The following AFF2 variants were observed in gnomAD, a reference collection of about 807,000 sequenced individuals.
AFF2 encodes ALF transcription elongation factor 2.
A neutral mutation model predicts 76.9 loss-of-function variants in AFF2; 14 were observed. The observed-to-expected ratio is 0.18, with a 90% CI of 0.12 to 0.28. The LOEUF (loss-of-function observed/expected upper bound fraction) is 0.28, where lower values mean the gene tolerates loss of function less well. Ranked by LOEUF, AFF2 falls within the 10% of genes least tolerant of loss-of-function variation. The probability of loss-of-function intolerance (pLI) is 1.00; values close to 1 mark genes in which losing one functional copy is unlikely to be tolerated. For synonymous variants in AFF2, 398 were observed against 366.7 expected (o/e 1.09, Z -0.98); for missense variants, 868 against 1,001.1 (o/e 0.87, Z 1.79).
intron 3 of AFF2, among the ~76,000 whole-genome samples, chrX:148,673,938 A>C (rs1189236120): frequency 8.9e-6 from 1 of 112,757 alleles, no homozygotes; most frequent in Non-Finnish European, 1.9e-5. Flanking sequence ...GTTTCTTTTC[A>C]CTTAGATAAT....
rs782216958 is a variant in AFF2, at chrX:148,542,247, G to A, written c.47+41103G>A. On this transcript the variant is annotated intron_variant, in intron 1 of 20. Transcript: ENST00000370460. Reference sequence around the variant, plus strand: ...GTTTAGCTCAGTCAAGTTGGGTGATGTCTACTACTTGGCAAAGCAGAGTGT... The same window carrying A: ...GTTTAGCTCAGTCAAGTTGGGTGATATCTACTACTTGGCAAAGCAGAGTGT... 4.6e-5 allele frequency among the ~76,000 whole-genome samples: 5 copies of A among 109,110 alleles called. No individual in the cohort carries two copies. The South Asian group carries it at 2.0e-3, about 43-fold the overall frequency. 94.7% of individuals were successfully genotyped at this position (109,110 alleles called of 115,157 possible).
chrX:148,683,975 A>G (rs1465107351), intron 3 of AFF2, among the ~76,000 whole-genome samples: 1 of 111,745 alleles, frequency 8.9e-6, no homozygotes, highest in African/African-American at 3.3e-5. Flanking sequence ...ATTAAGATGA[A>G]TTTGTGCCTG....
At chrX:148,744,926 G>A (rs144807439) in intron 3 of AFF2, among the ~76,000 whole-genome samples, 1 of 111,184 alleles carries the variant, frequency 9.0e-6, no homozygotes, top group East Asian at 2.8e-4. Flanking sequence ...GCCCCTCACT[G>A]GTGAGGGAAG....
intron 13 of AFF2, among the ~76,000 whole-genome samples, chrX:148,964,883 G>A (rs1443187007): frequency 2.7e-5 from 3 of 112,629 alleles, no homozygotes; most frequent in Non-Finnish European, 3.8e-5. Context: ...ACAAATGAAT[G>A]GAAGGCTTTT....
intron 7 of AFF2, among the ~76,000 whole-genome samples, chrX:148,843,825 G>A (rs1453025939): frequency 9.1e-6 from 1 of 110,234 alleles, no homozygotes; most frequent in Non-Finnish European, 1.9e-5. Context: ...CTCTTATAAG[G>A]GCAGTAATCC....
rs782534143 is a variant in AFF2 at position 148,642,628 on chromosome X, G to T, written c.48-9371G>T. Among the ~76,000 whole-genome samples, 5 of 111,902 alleles carry T rather than the reference G, an allele frequency of 4.5e-5. No homozygotes were observed. The South Asian group carries it at 1.5e-3, about 33-fold the overall frequency. ...ACTGGTATGGAACTTGGGACGTGGC[G>T]CATGGGATGAAGCCAGGACACATTG... On this transcript the variant is annotated intron_variant, in intron 1 of 20. Transcript: ENST00000370460.
intron 1 of AFF2, among the ~76,000 whole-genome samples, chrX:148,639,656 G>A (rs1569552456): frequency 8.9e-6 from 1 of 112,094 alleles, no homozygotes; most frequent in Admixed American, 9.5e-5. Flanking sequence ...GTATGCATGT[G>A]TGTGTGCAGT....
rs73638199 is a variant in AFF2 at position 148,867,274 on chromosome X, G to A, written c.1263-18615G>A. Among the ~76,000 whole-genome samples the A allele has an allele frequency of 7.5e-3, 837 of 112,261 alleles. 9 individuals are homozygous for A. The highest frequency in any genetic ancestry group is 0.026 in the African/African-American group (800 of 30,869). ...TTGGATAGGGGTTTCCCATCCAAGA[G>A]CAAAGTGGCTTTCCTTCTGCCAAGG... On this transcript the variant is annotated intron_variant, in intron 7 of 20. Coordinates refer to ENST00000370460, the MANE Select transcript of AFF2 (RefSeq NM_002025.4).
At chrX:148,755,424 G>A (rs1020131472) in intron 3 of AFF2, among the ~76,000 whole-genome samples, 1 of 111,628 alleles carries the variant, frequency 9.0e-6, no homozygotes, top group African/African-American at 3.3e-5. Flanking sequence ...CCCTGTTCAG[G>A]TTACACTAAA....
intron 1 of AFF2, among the ~76,000 whole-genome samples, chrX:148,620,051 G>A (rs1490362543): frequency 2.7e-5 from 3 of 111,651 alleles, no homozygotes; most frequent in Non-Finnish European, 5.7e-5. Context: ...TTAGAATGTC[G>A]ATAACATGAG....
At chrX:148,986,243 CATT>C (rs1287427481) in intron 19 of AFF2, among the ~76,000 whole-genome samples, 1 of 112,247 alleles carries the variant, frequency 8.9e-6, no homozygotes, top group Non-Finnish European at 1.9e-5. Flanking sequence ...TTTACTCACT[CATT>C]ATGTTCTGTC....
rs142601576 is a variant in AFF2 at position 148,612,628 on chromosome X, C to G, written c.48-39371C>G. On this transcript the variant is annotated intron_variant, in intron 1 of 20. Coordinates refer to ENST00000370460, the MANE Select transcript of AFF2 (RefSeq NM_002025.4). ...CCTAGGTTTGTGGCTTATGTAAGAC[C>G]TGGTTGGTAAGCTGGTTATTGTCCT... Among the ~76,000 whole-genome samples, 24 of 112,039 alleles carry G rather than the reference C, an allele frequency of 2.1e-4. No homozygotes were observed. In the East Asian group the frequency reaches 6.6e-3, roughly 31 times the overall value.
chrX:148,864,019 A>G (rs1557276645), intron 7 of AFF2, among the ~76,000 whole-genome samples: 1 of 111,513 alleles, frequency 9.0e-6, no homozygotes, highest in African/African-American at 3.3e-5. Flanking sequence ...ATTAACCAGT[A>G]TCAAACTAGG....
At chrX:148,888,619 A>G (rs1557279376) in intron 8 of AFF2, among the ~76,000 whole-genome samples, 1 of 112,032 alleles carries the variant, frequency 8.9e-6, no homozygotes, top group African/African-American at 3.2e-5. Flanking sequence ...AGTGCCATGC[A>G]TATAACATAG....
chrX:148,751,403 G>A (rs1181249831), intron 3 of AFF2, among the ~76,000 whole-genome samples: 5 of 112,202 alleles, frequency 4.5e-5, no homozygotes, highest in Non-Finnish European at 7.5e-5. Context: ...TTCTAAATTA[G>A]GGAGTTGCTT....
At chrX:148,547,349 A>G (rs964837202) in intron 1 of AFF2, 14 of 111,696 alleles carry the variant, frequency 1.3e-4, no homozygotes, top group African/African-American at 4.2e-4. Context: ...GAGATGAGAA[A>G]GGACAATCTA....
intron 12 of AFF2, among the ~76,000 whole-genome samples, chrX:148,962,010 G>A (rs5936460): frequency 0.014 from 1,547 of 112,463 alleles, 11 homozygotes; most frequent in Non-Finnish European, 0.021. Flanking sequence ...AAATCAGTTT[G>A]AAAGCACGGG....
At chrX:148,659,706 T>G (rs1258865138) in intron 2 of AFF2, among the ~76,000 whole-genome samples, 1 of 112,233 alleles carries the variant, frequency 8.9e-6, no homozygotes, top group Admixed American at 9.4e-5. Flanking sequence ...ACAATGAAAT[T>G]TCTTTGTTTT....
At chrX:148,959,820 C>T (rs1557287827) in intron 12 of AFF2, among the ~76,000 whole-genome samples, 1 of 112,203 alleles carries the variant, frequency 8.9e-6, no homozygotes, top group East Asian at 2.8e-4. Flanking sequence ...ATTCCAGAGC[C>T]CTCCTTCGTT....
Sources: gnomAD v4.1 joint callset for allele counts (sites outside exome capture counted in the v4.1 genomes callset) on GRCh38, gnomAD v4.1.1 for gene constraint, MANE v1.5 for transcripts, NCBI Gene and HGNC (gene_info 2026-07-23, HGNC 2026-07-21) for gene names.